The following PIAS2 variants were observed in gnomAD, a reference collection of about 807,000 sequenced individuals.
The protein encoded by PIAS2 is E3 SUMO-protein ligase PIAS2.
Under a neutral mutation model 69.7 loss-of-function variants are expected in PIAS2, and 19 were observed. The observed-to-expected ratio is 0.27, with a 90% CI of 0.19 to 0.40. The LOEUF (loss-of-function observed/expected upper bound fraction) is 0.40, where lower values mean the gene tolerates loss of function less well. Ranked by LOEUF, PIAS2 falls within the 10% of genes least tolerant of loss-of-function variation. PIAS2 has a pLI of 1.00. For missense variants in PIAS2, 624 were observed against 757.0 expected (o/e 0.82, Z 2.06); for synonymous variants, 261 against 263.2 (o/e 0.99, Z 0.08).
chr18:46,856,614 CTTGT>C (rs2047880167), intron 3 of PIAS2, among the ~76,000 whole-genome samples: 1 of 152,158 alleles, frequency 6.6e-6, no homozygotes, highest in East Asian at 1.9e-4. Flanking sequence ...TCCTTAGGAG[CTTGT>C]TGGAAATGCA....
intron 5 of PIAS2, among the ~76,000 whole-genome samples, chr18:46,850,370 C>T (rs1337715473): frequency 1.3e-5 from 2 of 152,108 alleles, no homozygotes; most frequent in African/African-American, 4.8e-5. Context: ...TAACCCCTGC[C>T]ATCTCCAAAC....
intron 1 of PIAS2, among the ~76,000 whole-genome samples, chr18:46,895,154 C>T (rs115599755): frequency 0.019 from 2,942 of 151,820 alleles, 82 homozygotes; most frequent in African/African-American, 0.066. Context: ...AAATATTTCC[C>T]TGAGATTGCT....
Position 46,899,080 on chromosome 18 carries a change from A to G in PIAS2, c.25-8026T>C, listed in dbSNP as rs1049343522. ...AAATACTCAACACTGAAAAGGTATC[A>G]ATTGTTTCCAAGTTATAAATATAAA... is the stretch of plus-strand genomic sequence containing the variant. On this transcript the variant is annotated intron_variant, in intron 1 of 13. Coordinates refer to ENST00000585916, the MANE Select transcript of PIAS2 (RefSeq NM_004671.5). 2.6e-5 allele frequency among the ~76,000 whole-genome samples: 4 copies of G among 152,224 alleles called. No homozygotes were observed. The South Asian group carries it at 8.3e-4, about 32-fold the overall frequency.
At chr18:46,870,046 C>T (rs546500982) in intron 2 of PIAS2, among the ~76,000 whole-genome samples, 1 of 152,178 alleles carries the variant, frequency 6.6e-6, no homozygotes, top group Admixed American at 6.5e-5. Context: ...TGCACAGGAC[C>T]CCCTTCACTC....
At chr18:46,815,560 C>T (rs760634333) in intron 12 of PIAS2, 25 of 985,142 alleles carry the variant, frequency 2.5e-5, no homozygotes, top group Non-Finnish European at 2.9e-5. Flanking sequence ...GAAAAACTAG[C>T]TCCCAGAGAC....
chr18:46,882,422 A>G (rs1052411183), intron 2 of PIAS2, among the ~76,000 whole-genome samples: 1 of 152,206 alleles, frequency 6.6e-6, no homozygotes, highest in African/African-American at 2.4e-5. Context: ...CAAATGGACT[A>G]CAAATTGGTG....
At chr18:46,919,274 G>T (rs1381837886), upstream of PIAS2, among the ~76,000 whole-genome samples, 1 of 151,984 alleles carries the variant, frequency 6.6e-6, no homozygotes, top group Non-Finnish European at 1.5e-5. Context: ...ATCACCTGAG[G>T]TTGGGAGTTG....
At chr18:46,840,826 TAATGCAAC>T (rs1214917208) in intron 8 of PIAS2, among the ~76,000 whole-genome samples, 1 of 152,228 alleles carries the variant, frequency 6.6e-6, no homozygotes, top group African/African-American at 2.4e-5. Flanking sequence ...GTTATCTAAG[TAATGCAAC>T]ACTTTTTTCC....
At chr18:46,915,606 AGAAAG>A (rs1323708440) in intron 1 of PIAS2, 1 of 152,170 alleles carries the variant, frequency 6.6e-6, no homozygotes, top group Non-Finnish European at 1.5e-5. Flanking sequence ...AGAGGAAGGC[AGAAAG>A]GAAGAGAAAA....
chr18:46,909,815 G>T (rs1371553690), intron 1 of PIAS2, among the ~76,000 whole-genome samples: 1 of 152,172 alleles, frequency 6.6e-6, no homozygotes, highest in African/African-American at 2.4e-5. Flanking sequence ...TTTTCTGCAA[G>T]ACAAGTTTGG....
intron 1 of PIAS2, among the ~76,000 whole-genome samples, chr18:46,906,653 A>C (rs1226669266): frequency 6.6e-6 from 1 of 152,062 alleles, no homozygotes; most frequent in Middle Eastern, 3.2e-3. Context: ...ACCTAAAAGA[A>C]ATGGAGATTA....
At chr18:46,912,305 C>T (rs1223599429) in intron 1 of PIAS2, among the ~76,000 whole-genome samples, 1 of 152,218 alleles carries the variant, frequency 6.6e-6, no homozygotes, top group African/African-American at 2.4e-5. Flanking sequence ...AAGCTATACA[C>T]ATCCTCCTAC....
chr18:46,854,275 A>T (rs535001317), intron 5 of PIAS2, among the ~76,000 whole-genome samples: 1 of 152,122 alleles, frequency 6.6e-6, no homozygotes, highest in African/African-American at 2.4e-5. Context: ...TACTGCTCAT[A>T]TATTAGTCCA....
chr18:46,881,520 C>T (rs1277442657), intron 2 of PIAS2, among the ~76,000 whole-genome samples: 1 of 152,170 alleles, frequency 6.6e-6, no homozygotes, highest in Non-Finnish European at 1.5e-5. Flanking sequence ...TGTGACCACT[C>T]ACAGTTCTCC....
chr18:46,847,289 T>C (rs916549609), intron 5 of PIAS2, among the ~76,000 whole-genome samples: 2 of 152,210 alleles, frequency 1.3e-5, no homozygotes, highest in African/African-American at 4.8e-5. Context: ...GAATTTCATT[T>C]TTAAAATCTG....
intron 3 of PIAS2, 102 bp downstream of exon 3, chr18:46,864,062 G>T: frequency 1.6e-6 from 1 of 620,210 alleles, no homozygotes; most frequent in Non-Finnish European, 2.7e-6. Context: ...AAAAACAAAA[G>T]TCTGTTGTTT....
chr18:46,884,018 T>C (rs961608865), intron 2 of PIAS2, among the ~76,000 whole-genome samples: 13 of 152,010 alleles, frequency 8.6e-5, no homozygotes, highest in African/African-American at 2.2e-4. Context: ...ACAAAAGGAA[T>C]ACCTTATATA....
chr18:46,843,820 C>T, intron 8 of PIAS2: 1 of 314,424 alleles, frequency 3.2e-6, no homozygotes, highest in Non-Finnish European at 5.9e-6. Context: ...TTATCTACAA[C>T]ATTAATTACA....
chr18:46,861,039 G>A (rs1599866271), intron 3 of PIAS2, among the ~76,000 whole-genome samples: 1 of 152,048 alleles, frequency 6.6e-6, no homozygotes, highest in East Asian at 1.9e-4. Context: ...CAACACTTTG[G>A]GAGGCCGAGG....
Sources: allele counts gnomAD v4.1 joint callset (sites outside exome capture counted in the v4.1 genomes callset), GRCh38; gene constraint gnomAD v4.1.1; transcripts MANE v1.5; gene names NCBI Gene and HGNC (gene_info 2026-07-23, HGNC 2026-07-21).